Variants in STK17A observed in about 807,000 individuals in gnomAD.
STK17A encodes serine/threonine-protein kinase 17A.
A neutral mutation model predicts 43.7 loss-of-function variants in STK17A; 26 were observed. The ratio of observed to expected loss-of-function variants is 0.60; its 90% confidence interval spans 0.44 to 0.83. The LOEUF is 0.83. Ranked by LOEUF, STK17A falls within the 40% of genes least tolerant of loss-of-function variation. STK17A has a pLI of 0.00. For missense variants in STK17A, 476 were observed against 511.6 expected (o/e 0.93, Z 0.67); for synonymous variants, 191 against 182.5 (o/e 1.05, Z -0.38).
chr7:43,602,827 C>T (rs1281681330), intron 2 of STK17A, among the ~76,000 whole-genome samples: 5 of 152,160 alleles, frequency 3.3e-5, no homozygotes, highest in African/African-American at 1.2e-4. Flanking sequence ...TTCTTAAGCT[C>T]CAGCTGCCTG....
intron 4 of STK17A, chr7:43,623,213 A>C (rs541592044): frequency 2.5e-5 from 5 of 197,706 alleles, no homozygotes; most frequent in African/African-American, 9.5e-5. Flanking sequence ...AGGGTGGGGC[A>C]ATGGAGAAGC....
At chr7:43,615,493 G>GT (rs2083263554) in intron 3 of STK17A, among the ~76,000 whole-genome samples, 1 of 151,892 alleles carries the variant, frequency 6.6e-6, no homozygotes, top group Non-Finnish European at 1.5e-5. Context: ...TTGTACTATA[G>GT]TATTTTATTA....
chr7:43,596,153 C>G, intron 2 of STK17A, 40 bp downstream of exon 2: 1 of 1,550,514 alleles, frequency 6.4e-7, no homozygotes, highest in Non-Finnish European at 8.8e-7. Context: ...GTTTGGTAGT[C>G]TACACTTCCT....
chr7:43,619,699 A>G lies in STK17A; in HGVS notation c.667A>G (p.Ile223Val). The G allele has an allele frequency of 6.2e-7, 1 of 1,614,056 alleles. No homozygotes were observed. The highest frequency in any genetic ancestry group is 8.5e-7 in the Non-Finnish European group (1 of 1,179,964). ...ILKNSEELREIMGTPEYVAPE... is the reference protein window; with the variant it reads ...ILKNSEELREVMGTPEYVAPE... ...GAAGAACAGTGAAGAGCTCCGAGAAATTATGGGTACCCCTGAATATGTGGG... is the reference window on the plus strand; with the variant it reads ...GAAGAACAGTGAAGAGCTCCGAGAAGTTATGGGTACCCCTGAATATGTGGG... The change falls in exon 4 of 7, where the codon ATT becomes GTT. Residue 223 changes from isoleucine to valine, a missense_variant. Physicochemically the swap from Ile to Val is conservative, Grantham distance 29. Around this residue, in one of 3 missense-constraint regions of STK17A, gnomAD observed 320 missense variants for 326.3 expected, o/e 0.98. Transcript: ENST00000319357.
chr7:43,606,779 T>C (rs1014784772), intron 2 of STK17A, among the ~76,000 whole-genome samples: 1 of 152,134 alleles, frequency 6.6e-6, no homozygotes, highest in African/African-American at 2.4e-5. Flanking sequence ...ATATGGCATT[T>C]AGTTTAGTTA....
chr7:43,594,059 T>G (rs2082498389), intron 1 of STK17A, among the ~76,000 whole-genome samples: 1 of 152,148 alleles, frequency 6.6e-6, no homozygotes. Context: ...TTGCTTCAGA[T>G]TTGGTTGGCA....
At chr7:43,585,855 C>T in intron 1 of STK17A, among the ~76,000 whole-genome samples, 1 of 151,318 alleles carries the variant, frequency 6.6e-6, no homozygotes, top group East Asian at 1.9e-4. Flanking sequence ...TAAATGTAAC[C>T]CAAAAAGAAA....
In STK17A at chr7:43,608,322, T is replaced by C; in HGVS notation, c.486T>C (p.Asp162=). The change falls in exon 3 of 7, where the codon GAT becomes GAC. Residue 162 remains aspartate (D), a synonymous_variant. Coordinates refer to ENST00000319357, the MANE Select transcript of STK17A (RefSeq NM_004760.3). ...GAGAAGAAGCCTTTAAAGAAAAAGA[T>C]GTTCAAAGACTTATGCGACAGATTT... ...ADREEAFKEK[D]VQRLMRQILE... 1 of 1,614,160 alleles carries C rather than the reference T, an allele frequency of 6.2e-7. No homozygotes were observed. The highest frequency in any genetic ancestry group is 8.5e-7 in the Non-Finnish European group (1 of 1,180,016).
chr7:43,622,264 CCT>C (rs2083973642), intron 4 of STK17A: 5 of 152,172 alleles, frequency 3.3e-5, no homozygotes, highest in African/African-American at 1.2e-4. Context: ...ACATTCACAA[CCT>C]CTGTTTCTCA....
rs555687203 is a variant in STK17A, at chr7:43,614,157, C to A, written c.565-5440C>A. On this transcript the variant is annotated intron_variant, in intron 3 of 6. Transcript: ENST00000319357. ...ACCTCAACTTTACAATGATCTTAGCCGCCAAATCTTCTCCAGTGGTGATTG... is the reference window on the plus strand; with the variant it reads ...ACCTCAACTTTACAATGATCTTAGCAGCCAAATCTTCTCCAGTGGTGATTG... 4.6e-5 allele frequency among the ~76,000 whole-genome samples: 7 copies of A among 152,246 alleles called. No homozygotes were observed. In the South Asian group the frequency reaches 1.0e-3, roughly 23 times the overall value.
chr7:43,624,954 C>A lies in STK17A; in HGVS notation c.*112C>A. The A allele has an allele frequency of 2.0e-6, 2 of 984,092 alleles. No individual in the cohort carries two copies. Among genetic ancestry groups the A allele is most frequent in the Non-Finnish European group, 2.9e-6 (2 of 698,550 alleles). The allele number at this position is 984,092 out of a possible 1,614,324, so 61.0% of individuals were successfully genotyped here. On this transcript the variant is annotated 3_prime_UTR_variant, in exon 7 of 7. Coordinates refer to ENST00000319357, the MANE Select transcript of STK17A (RefSeq NM_004760.3). ...GGAAGTGGATAACCAGTATCACTTA[C>A]ACAAACAAAAATAACTTTGTCAAAT...
chr7:43,592,930 C>G (rs920625975), intron 1 of STK17A, among the ~76,000 whole-genome samples: 2 of 152,034 alleles, frequency 1.3e-5, no homozygotes, highest in Non-Finnish European at 2.9e-5. Context: ...TTTTAGAAAG[C>G]TTTTTAAAAA....
At chr7:43,584,927 T>G (rs1343729019) in intron 1 of STK17A, among the ~76,000 whole-genome samples, 1 of 152,216 alleles carries the variant, frequency 6.6e-6, no homozygotes, top group East Asian at 1.9e-4. Flanking sequence ...CCGGGCGCAG[T>G]GGCTCACGCC....
intron 6 of STK17A, 148 bp downstream of exon 6, chr7:43,624,036 C>T: frequency 1.8e-6 from 1 of 565,134 alleles, no homozygotes; most frequent in Non-Finnish European, 2.7e-6. Flanking sequence ...AAAATGTTGA[C>T]ATAAATCTAG....
chr7:43,585,252 C>T (rs2082430450), intron 1 of STK17A, among the ~76,000 whole-genome samples: 1 of 150,226 alleles, frequency 6.7e-6, no homozygotes, highest in African/African-American at 2.4e-5. Flanking sequence ...GGCTTCATTC[C>T]ACAAGGAAAA....
At chr7:43,614,725 C>T (rs1203798678) in intron 3 of STK17A, among the ~76,000 whole-genome samples, 1 of 152,186 alleles carries the variant, frequency 6.6e-6, no homozygotes, top group Non-Finnish European at 1.5e-5. Flanking sequence ...AGTTGTTTAA[C>T]TTCATTTTTA....
At chr7:43,596,393 C>T (rs2082515929) in intron 2 of STK17A, among the ~76,000 whole-genome samples, 1 of 152,058 alleles carries the variant, frequency 6.6e-6, no homozygotes, top group Non-Finnish European at 1.5e-5. Flanking sequence ...CAAAGTAATA[C>T]CAAACTAATA....
intron 4 of STK17A, among the ~76,000 whole-genome samples, chr7:43,620,239 C>T (rs932832264): frequency 6.6e-6 from 1 of 151,892 alleles, no homozygotes; most frequent in Non-Finnish European, 1.5e-5. Flanking sequence ...TGGGTGTAGG[C>T]GTATCATCAA....
intron 1 of STK17A, among the ~76,000 whole-genome samples, chr7:43,592,837 G>A (rs35473526): frequency 6.6e-6 from 1 of 152,134 alleles, no homozygotes; most frequent in Non-Finnish European, 1.5e-5. Context: ...CTGCACTCCA[G>A]CCTGGGTGAC....
Sources: allele counts gnomAD v4.1 joint callset (sites outside exome capture counted in the v4.1 genomes callset), GRCh38; gene constraint gnomAD v4.1.1; regional missense constraint gnomAD v4.1.1; transcripts MANE v1.5; gene names NCBI Gene and HGNC (gene_info 2026-07-23, HGNC 2026-07-21).